The following EPHA5 variants were observed in gnomAD, a reference collection of about 807,000 sequenced individuals.
EPHA5 encodes the protein ephrin type-A receptor 5.
EPHA5 carries 60 observed loss-of-function variants against 105.0 expected under a neutral mutation model. The observed-to-expected ratio is 0.57, with a 90% CI of 0.46 to 0.71. The LOEUF (loss-of-function observed/expected upper bound fraction) is 0.71, where lower values mean the gene tolerates loss of function less well. EPHA5 is among the 30% of genes least tolerant of loss of function. The pLI is 0.00. For synonymous variants in EPHA5, 513 were observed against 449.1 expected (o/e 1.14, Z -1.80); for missense variants, 1,218 against 1,274.7 (o/e 0.96, Z 0.68).
intron 3 of EPHA5, among the ~76,000 whole-genome samples, chr4:65,539,662 G>A (rs1736630051): frequency 6.6e-6 from 1 of 151,416 alleles, no homozygotes; most frequent in Non-Finnish European, 1.5e-5. Flanking sequence ...ATAGTTTTTG[G>A]AAAAACAGGA....
intron 5 of EPHA5, among the ~76,000 whole-genome samples, chr4:65,449,558 C>A (rs757010674): frequency 3.3e-5 from 5 of 152,048 alleles, no homozygotes; most frequent in African/African-American, 4.8e-5. Context: ...GACAAACTGT[C>A]GTATATTCAT....
intron 1 of EPHA5, among the ~76,000 whole-genome samples, chr4:65,657,933 C>A (rs932017374): frequency 7.5e-5 from 11 of 147,458 alleles, no homozygotes; most frequent in Non-Finnish European, 1.3e-4. Context: ...TATTTTACTG[C>A]CAGTTTTTGT....
chr4:65,627,203 T>A (rs928067718), intron 2 of EPHA5, among the ~76,000 whole-genome samples: 8 of 152,206 alleles, frequency 5.3e-5, no homozygotes, highest in Non-Finnish European at 1.0e-4. Context: ...AGGTTTTAAA[T>A]GTAGAACCAG....
intron 15 of EPHA5, 53 bp downstream of exon 15, chr4:65,335,879 C>T (rs1721122801): frequency 5.4e-6 from 8 of 1,484,002 alleles, no homozygotes; most frequent in African/African-American, 1.4e-5. Flanking sequence ...ATATTTGTGA[C>T]ATCAATCTGA....
At chr4:65,333,539 CTGTGTGTG>C (rs56925203) in intron 15 of EPHA5, among the ~76,000 whole-genome samples, 19,975 of 111,558 alleles carry the variant, frequency 0.18, 1,718 homozygotes, top group South Asian at 0.22. Context: ...GAGTGTGTGT[CTGTGTGTG>C]TGTGTGTGTG....
chr4:65,641,331 G>T (rs1747647024), intron 2 of EPHA5, among the ~76,000 whole-genome samples: 1 of 151,852 alleles, frequency 6.6e-6, no homozygotes, highest in African/African-American at 2.4e-5. Context: ...GCCCTATATT[G>T]CTCCAAGATG....
chr4:65,488,245 T>C (rs188557725), intron 5 of EPHA5, among the ~76,000 whole-genome samples: 5 of 152,250 alleles, frequency 3.3e-5, no homozygotes, highest in Admixed American at 2.0e-4. Context: ...GTTGAATACA[T>C]CATTAAAAAA....
intron 7 of EPHA5, among the ~76,000 whole-genome samples, chr4:65,409,375 G>C (rs189210036): frequency 2.6e-4 from 20 of 77,852 alleles, no homozygotes; most frequent in African/African-American, 8.0e-4. Flanking sequence ...ATAAATAAAA[G>C]AGCTTTGTAA....
At chr4:65,523,742 T>C (rs531711751) in intron 3 of EPHA5, among the ~76,000 whole-genome samples, 1 of 152,060 alleles carries the variant, frequency 6.6e-6, no homozygotes, top group South Asian at 2.1e-4. Context: ...GTCCTCTTGA[T>C]TTTTTTAGTT....
At chr4:65,396,159 C>G (rs751140140) in intron 8 of EPHA5, among the ~76,000 whole-genome samples, 4 of 152,182 alleles carry the variant, frequency 2.6e-5, no homozygotes, top group Non-Finnish European at 4.4e-5. Context: ...GCTCTGATTT[C>G]AAAGCAAAGT....
chr4:65,389,072 TA>T (rs1290063058), intron 8 of EPHA5, among the ~76,000 whole-genome samples: 1 of 152,090 alleles, frequency 6.6e-6, no homozygotes, highest in African/African-American at 2.4e-5. Flanking sequence ...TAGAAATTAA[TA>T]ATTTAAGTGG....
chr4:65,645,759 C>A (rs1310967074), intron 1 of EPHA5, among the ~76,000 whole-genome samples: 1 of 151,964 alleles, frequency 6.6e-6, no homozygotes. Context: ...CATTAGGAAT[C>A]TCTATAATCT....
chr4:65,532,724 G>T (rs1578356078), intron 3 of EPHA5, among the ~76,000 whole-genome samples: 7 of 116,396 alleles, frequency 6.0e-5, no homozygotes, highest in Admixed American at 3.2e-4. Context: ...TATACTCTCT[G>T]TCTAATAAAT....
At chr4:65,661,448 G>A (rs1749550971) in intron 1 of EPHA5, among the ~76,000 whole-genome samples, 1 of 152,164 alleles carries the variant, frequency 6.6e-6, no homozygotes. Flanking sequence ...GAAACTAGGT[G>A]TGGTTAAAAT....
chr4:65,475,361 C>A (rs972930110), intron 5 of EPHA5, among the ~76,000 whole-genome samples: 1 of 152,108 alleles, frequency 6.6e-6, no homozygotes, highest in Non-Finnish European at 1.5e-5. Context: ...CAAGTTATTT[C>A]AACATGCTGC....
intron 3 of EPHA5, chr4:65,573,477 T>G (rs2149380113): frequency 6.5e-7 from 1 of 1,533,898 alleles, no homozygotes; most frequent in South Asian, 1.2e-5. Flanking sequence ...TGAAAAAGTT[T>G]AGAAGCCAGA....
At chr4:65,501,627 A>G (rs1011586930) in intron 3 of EPHA5, among the ~76,000 whole-genome samples, 2 of 151,846 alleles carry the variant, frequency 1.3e-5, no homozygotes, top group African/African-American at 4.8e-5. Flanking sequence ...ATGGAAAAAC[A>G]TTCCATACTT....
At chr4:65,434,092 T>A (rs1342476556) in intron 5 of EPHA5, among the ~76,000 whole-genome samples, 1 of 152,034 alleles carries the variant, frequency 6.6e-6, no homozygotes, top group African/African-American at 2.4e-5. Flanking sequence ...ACTTTAACTC[T>A]AGCCTCTGGT....
Position 65,472,372 on chromosome 4 carries a change from G to A in EPHA5, c.1402+18005C>T, listed in dbSNP as rs529902267. On this transcript the variant is annotated intron_variant, in intron 5 of 16. Transcript: ENST00000613740. ...ATCTACCATTCTGGGGTCTGAAGTGGCCCTCTTCTCATAGATCCACTAGCC... is the reference window on the plus strand; with the variant it reads ...ATCTACCATTCTGGGGTCTGAAGTGACCCTCTTCTCATAGATCCACTAGCC... 5.3e-5 allele frequency among the ~76,000 whole-genome samples: 8 copies of A among 152,262 alleles called. No individual in the cohort carries two copies. The South Asian group carries it at 1.5e-3, about 28-fold the overall frequency.
Sources: allele counts gnomAD v4.1 joint callset (sites outside exome capture counted in the v4.1 genomes callset), GRCh38; gene constraint gnomAD v4.1.1; transcripts MANE v1.5; gene names NCBI Gene and HGNC (gene_info 2026-07-23, HGNC 2026-07-21).